MIA2: variants seen among roughly 807,000 people sequenced by gnomAD.
The protein encoded by MIA2 is MIA SH3 domain ER export factor 2.
In MIA2, 127 loss-of-function variants were observed where a neutral mutation model predicts 167.8. The observed-to-expected ratio is 0.76, with a 90% CI of 0.66 to 0.88. The LOEUF (loss-of-function observed/expected upper bound fraction) is 0.88. Ranked by LOEUF, MIA2 falls within the 40% of genes least tolerant of loss-of-function variation. The probability of loss-of-function intolerance (pLI) is 0.00; values close to 1 mark genes in which losing one functional copy is unlikely to be tolerated. For missense variants in MIA2, 1,690 were observed against 1,624.7 expected, an observed-to-expected ratio of 1.04 and a Z score of -0.69; for synonymous variants, 552 against 541.9, an observed-to-expected ratio of 1.02 and a Z score of -0.26.
At chr14:39,341,792 G>A (rs2071932534) in intron 25 of MIA2, among the ~76,000 whole-genome samples, 3 of 152,106 alleles carry the variant, frequency 2.0e-5, no homozygotes, top group South Asian at 4.2e-4. Context: ...TGAATGAAAA[G>A]CAGTCAATAC....
intron 23 of MIA2, among the ~76,000 whole-genome samples, chr14:39,363,686 G>C (rs1212191513): frequency 6.6e-6 from 1 of 152,120 alleles, no homozygotes; most frequent in East Asian, 1.9e-4. Flanking sequence ...ATTTCTTCTA[G>C]GTGCTTCATT....
intron 13 of MIA2, among the ~76,000 whole-genome samples, chr14:39,298,017 TCTC>T (rs1025340992): frequency 6.6e-6 from 1 of 152,106 alleles, no homozygotes; most frequent in African/African-American, 2.4e-5. Context: ...TTTTGTCTCA[TCTC>T]CTATTTTCTT....
At chr14:39,289,528 G>T (rs1370480518) in intron 9 of MIA2, among the ~76,000 whole-genome samples, 2 of 152,164 alleles carry the variant, frequency 1.3e-5, no homozygotes, top group African/African-American at 2.4e-5. Flanking sequence ...ACCAGTTTTG[G>T]TTGGTAAGGA....
At chr14:39,356,921 T>C (rs915088268) in intron 23 of MIA2, among the ~76,000 whole-genome samples, 20 of 152,220 alleles carry the variant, frequency 1.3e-4, no homozygotes, top group African/African-American at 4.8e-4. Flanking sequence ...GAGAGAAAGT[T>C]TGTTATAATT....
intron 23 of MIA2, among the ~76,000 whole-genome samples, chr14:39,360,787 T>A (rs1233814353): frequency 1.3e-5 from 2 of 152,202 alleles, no homozygotes; most frequent in African/African-American, 4.8e-5. Context: ...TTTTATAGTT[T>A]TGGGCCTTAT....
chr14:39,263,896 AG>A (rs1322503224), intron 6 of MIA2, among the ~76,000 whole-genome samples: 2 of 152,072 alleles, frequency 1.3e-5, no homozygotes, highest in Non-Finnish European at 2.9e-5. Context: ...GGCCTCCCAA[AG>A]TGCTGGGATT....
intron 6 of MIA2, among the ~76,000 whole-genome samples, chr14:39,262,641 C>T (rs1193590659): frequency 6.6e-6 from 1 of 152,186 alleles, no homozygotes; most frequent in Non-Finnish European, 1.5e-5. Flanking sequence ...TTCTTCCTAT[C>T]CATGAGCATG....
intron 25 of MIA2, among the ~76,000 whole-genome samples, chr14:39,329,938 G>A (rs1363452387): frequency 6.6e-6 from 1 of 151,924 alleles, no homozygotes; most frequent in Non-Finnish European, 1.5e-5. Flanking sequence ...TTCTTTTTTT[G>A]TTGTGTCTCT....
chr14:39,359,603 C>T (rs1418949671), intron 23 of MIA2, among the ~76,000 whole-genome samples: 3 of 152,160 alleles, frequency 2.0e-5, no homozygotes, highest in African/African-American at 7.2e-5. Context: ...AACCCGGTAC[C>T]TCTATTGGAA....
chr14:39,259,647 CAG>C, intron 6 of MIA2, among the ~76,000 whole-genome samples: 1 of 151,200 alleles, frequency 6.6e-6, no homozygotes, highest in East Asian at 1.9e-4. Flanking sequence ...CTTCCCACCT[CAG>C]GCACCTGAGT....
chr14:39,256,574 A>G (rs1402853486), intron 6 of MIA2, among the ~76,000 whole-genome samples: 2 of 152,118 alleles, frequency 1.3e-5, no homozygotes, highest in African/African-American at 4.8e-5. Flanking sequence ...AAATTAAAGG[A>G]GGCAGCTTTT....
rs1307438418 is a variant in MIA2, at chr14:39,350,612, G to GT, written c.*349dup. ...ACTGTGGTTGTGGACAAATGTGAAA[G>GT]TAACTTTATGCTTAAATAAATTATA... is the stretch of plus-strand genomic sequence containing the variant. On this transcript the variant is annotated 3_prime_UTR_variant, in exon 29 of 29. Transcript: ENST00000640607. The GT allele has an allele frequency of 5.4e-6, 1 of 185,632 alleles. No homozygotes were observed. Among genetic ancestry groups the GT allele is most frequent in the Non-Finnish European group, 1.1e-5 (1 of 90,768 alleles). The allele number at this position is 185,632 out of a possible 1,614,324, so 11.5% of individuals were successfully genotyped here.
In MIA2 at chr14:39,388,022, G is replaced by A. The variant is rs553550412; in HGVS notation, c.*1070G>A. The A allele has an allele frequency of 2.5e-4, 38 of 152,326 alleles. No individual in the cohort carries two copies. Among genetic ancestry groups the A allele is most frequent in the African/African-American group, 9.1e-4 (38 of 41,566 alleles). 9.4% of individuals were successfully genotyped at this position (152,326 alleles called of 1,614,324 possible). The stretch of plus-strand genomic sequence containing the variant: ...TGTGCATTGTGAAACCAAAAAGTTT[G>A]TGTGACTTGCTATATTGCATTATTC... On this transcript the variant is annotated 3_prime_UTR_variant, in exon 24 of 24. Transcript: ENST00000341502. The surrounding 1 kb of genome is among the most constrained non-coding windows in gnomAD (Gnocchi z 4.1).
chr14:39,289,343 T>A (rs879353983), intron 9 of MIA2, among the ~76,000 whole-genome samples: 12 of 152,120 alleles, frequency 7.9e-5, no homozygotes, highest in South Asian at 2.1e-4. Flanking sequence ...GCCTCTCGAA[T>A]AGCTGGGATT....
intron 25 of MIA2, among the ~76,000 whole-genome samples, chr14:39,327,944 C>A (rs2067919169): frequency 6.6e-6 from 1 of 152,090 alleles, no homozygotes; most frequent in Non-Finnish European, 1.5e-5. Flanking sequence ...GTGCATGTGT[C>A]TTTATAGTAG....
chr14:39,292,888 C>A (rs2060921573), intron 10 of MIA2, among the ~76,000 whole-genome samples: 1 of 151,686 alleles, frequency 6.6e-6, no homozygotes, highest in Non-Finnish European at 1.5e-5. Flanking sequence ...GGCTTTATTT[C>A]TCATTTTTTT....
rs1474190503 is a variant in MIA2 at position 39,246,933 on chromosome 14, T to G, written c.359T>G (p.Leu120Arg). Residue 120 changes from leucine to arginine, a missense_variant, in exon 4 of 29, where the codon CTT (leucine) becomes CGT (arginine). Physicochemically the swap from Leu to Arg is moderately radical, Grantham distance 102 (BLOSUM62 -2). Coordinates refer to ENST00000640607, the MANE Select transcript of MIA2 (RefSeq NM_001329214.4). ...TAGGAATCTGACTTTCTTTGTCTTC[T>G]TGGAGTAAGTTACACATTTGACAAT... The part of the protein sequence containing the change: ...STKESDFLCL[L>R]GVSYTFDNED... The G allele has an allele frequency of 6.6e-7, 1 of 1,515,204 alleles. No homozygotes were observed. The highest frequency in any genetic ancestry group is 8.8e-7 in the Non-Finnish European group (1 of 1,136,400). 93.9% of individuals were successfully genotyped at this position (1,515,204 alleles called of 1,614,324 possible).
At chr14:39,368,056 G>C (rs574286159) in intron 23 of MIA2, among the ~76,000 whole-genome samples, 20 of 151,984 alleles carry the variant, frequency 1.3e-4, no homozygotes, top group African/African-American at 4.6e-4. Context: ...TATCTTTGGT[G>C]TTCTGACAAT....
At chr14:39,286,383 G>A (rs955454164) in intron 9 of MIA2, among the ~76,000 whole-genome samples, 2 of 151,906 alleles carry the variant, frequency 1.3e-5, no homozygotes, top group African/African-American at 2.4e-5. Flanking sequence ...GCAGTGAGCG[G>A]AGATGGCAGC....
Sources: gnomAD v4.1 joint callset for allele counts (sites outside exome capture counted in the v4.1 genomes callset) on GRCh38, gnomAD v4.1.1 for gene constraint, Gnocchi (gnomAD v3.1) non-coding constraint, MANE v1.5 for transcripts, NCBI Gene and HGNC (gene_info 2026-07-23, HGNC 2026-07-21) for gene names.